CDH18: variants seen among roughly 807,000 people sequenced by gnomAD.
The protein encoded by CDH18 is cadherin 18, also known as cadherin-18.
Under a neutral mutation model 67.9 loss-of-function variants are expected in CDH18, and 31 were observed. The ratio of observed to expected loss-of-function variants is 0.46; its 90% CI spans 0.34 to 0.62. CDH18 has a LOEUF of 0.62. CDH18 is among the 20% of genes least tolerant of loss of function. The pLI is 0.01. For synonymous variants in CDH18, 362 were observed against 347.2 expected, an observed-to-expected ratio of 1.04 and a Z score of -0.48; for missense variants, 890 against 975.5, an observed-to-expected ratio of 0.91 and a Z score of 1.17.
At chr5:20,541,317 A>G (rs1395162690) in intron 1 of CDH18, among the ~76,000 whole-genome samples, 1 of 152,178 alleles carries the variant, frequency 6.6e-6, no homozygotes, top group African/African-American at 2.4e-5. Context: ...ATTTTACACT[A>G]AATGCCTTAG....
At chr5:19,744,035 C>T (rs925181339) in intron 4 of CDH18, among the ~76,000 whole-genome samples, 1 of 151,136 alleles carries the variant, frequency 6.6e-6, no homozygotes, top group East Asian at 1.9e-4. Flanking sequence ...ATCCTCTATG[C>T]ATTCATGTTA....
chr5:19,922,582 A>C (rs983146869), intron 2 of CDH18, among the ~76,000 whole-genome samples: 1 of 152,116 alleles, frequency 6.6e-6, no homozygotes, highest in African/African-American at 2.4e-5. Context: ...TGTTAACAAG[A>C]TCTTTGTTGG....
At chr5:19,582,902 A>G (rs1245653132) in intron 7 of CDH18, among the ~76,000 whole-genome samples, 1 of 151,976 alleles carries the variant, frequency 6.6e-6, no homozygotes, top group Non-Finnish European at 1.5e-5. Context: ...ATCCACTAAA[A>G]GACCAGAAAT....
At chr5:20,051,890 C>T (rs34294319) in intron 2 of CDH18, among the ~76,000 whole-genome samples, 54,498 of 151,812 alleles carry the variant, frequency 0.36, 11,968 homozygotes, top group Middle Eastern at 0.59. Context: ...CACTCCAATA[C>T]AAGGGAAAGC....
intron 5 of CDH18, among the ~76,000 whole-genome samples, chr5:19,644,268 GA>G (rs898268073): frequency 6.6e-6 from 1 of 152,074 alleles, no homozygotes; most frequent in Non-Finnish European, 1.5e-5. Flanking sequence ...AAGGAAGCTA[GA>G]AAAACAAATA....
intron 1 of CDH18, among the ~76,000 whole-genome samples, chr5:20,461,673 G>A (rs1385524236): frequency 6.6e-6 from 1 of 151,996 alleles, no homozygotes; most frequent in Non-Finnish European, 1.5e-5. Context: ...TAACTATCAT[G>A]TATCATTACC....
intron 3 of CDH18, among the ~76,000 whole-genome samples, chr5:19,777,656 G>T (rs1774556479): frequency 6.6e-6 from 1 of 152,164 alleles, no homozygotes; most frequent in African/African-American, 2.4e-5. Context: ...CTTGATCAAA[G>T]AAGAAGTAGG....
chr5:20,333,519 CAA>C (rs1491402995), intron 1 of CDH18, among the ~76,000 whole-genome samples: 1 of 99,026 alleles, frequency 1.0e-5, no homozygotes, highest in East Asian at 2.4e-4. Flanking sequence ...AAAAAAAAAA[CAA>C]TATATATACA....
upstream of CDH18, among the ~76,000 whole-genome samples, chr5:19,989,392 G>A (rs868144115): frequency 1.2e-4 from 19 of 152,268 alleles, no homozygotes; most frequent in Middle Eastern, 3.4e-3. Context: ...GGGTGTACAA[G>A]CTCTAAAGGC....
At chr5:19,853,700 GA>G (rs1192835464) in intron 2 of CDH18, among the ~76,000 whole-genome samples, 1 of 152,072 alleles carries the variant, frequency 6.6e-6, no homozygotes, top group East Asian at 1.9e-4. Context: ...GTGAGTGGAG[GA>G]GATATAAGTT....
intron 1 of CDH18, among the ~76,000 whole-genome samples, chr5:20,273,727 A>G (rs966956182): frequency 2.0e-5 from 3 of 152,150 alleles, no homozygotes; most frequent in Non-Finnish European, 4.4e-5. Flanking sequence ...GTCTATCATT[A>G]AAGCTATCAG....
chr5:20,322,891 A>T (rs75628738), intron 1 of CDH18, among the ~76,000 whole-genome samples: 1 of 152,078 alleles, frequency 6.6e-6, no homozygotes, highest in East Asian at 1.9e-4. Context: ...CCATTAACCA[A>T]TTCCTTTTGT....
At chr5:20,489,116 A>T (rs1010563730) in intron 1 of CDH18, among the ~76,000 whole-genome samples, 2 of 152,056 alleles carry the variant, frequency 1.3e-5, no homozygotes, top group African/African-American at 4.8e-5. Context: ...AAACTTGCTG[A>T]GACCTCTATG....
At chr5:20,366,265 A>C (rs2150077965) in intron 1 of CDH18, among the ~76,000 whole-genome samples, 1 of 152,254 alleles carries the variant, frequency 6.6e-6, no homozygotes, top group East Asian at 1.9e-4. Flanking sequence ...ATAATGATTG[A>C]TGCATCTTTC....
intron 1 of CDH18, among the ~76,000 whole-genome samples, chr5:20,359,676 A>AAT (rs920031679): frequency 3.3e-5 from 5 of 152,140 alleles, no homozygotes; most frequent in Non-Finnish European, 5.9e-5. Flanking sequence ...TTCAAGTAGG[A>AAT]ATATATATAT....
At chr5:20,275,239 G>T (rs1040176205) in intron 1 of CDH18, among the ~76,000 whole-genome samples, 1 of 151,968 alleles carries the variant, frequency 6.6e-6, no homozygotes, top group African/African-American at 2.4e-5. Flanking sequence ...TCATGAGGGT[G>T]GATCTCCCCC....
chr5:20,296,346 G>C (rs1280932020), intron 1 of CDH18, among the ~76,000 whole-genome samples: 1 of 150,758 alleles, frequency 6.6e-6, no homozygotes, highest in Admixed American at 6.6e-5. Context: ...CTCCACCTCC[G>C]GGGTTCAGGC....
intron 9 of CDH18, among the ~76,000 whole-genome samples, chr5:19,537,382 T>C (rs1232647590): frequency 6.6e-6 from 1 of 152,058 alleles, no homozygotes. Flanking sequence ...TCTCTTTCTC[T>C]CTCTCTTTCT....
At chr5:20,567,422 A>AGATG (rs71311184) in intron 1 of CDH18, among the ~76,000 whole-genome samples, 42,483 of 151,924 alleles carry the variant, frequency 0.28, 6,741 homozygotes, top group Middle Eastern at 0.4. Flanking sequence ...AGAACCTAAA[A>AGATG]GATGGAGAAG....
Sources: allele counts gnomAD v4.1 joint callset (sites outside exome capture counted in the v4.1 genomes callset), GRCh38; gene constraint gnomAD v4.1.1; transcripts MANE v1.5; gene names NCBI Gene and HGNC (gene_info 2026-07-23, HGNC 2026-07-21).